Variants in HMMR observed in about 807,000 individuals in gnomAD.
HMMR encodes hyaluronan mediated motility receptor, also known as intracellular hyaluronic acid-binding protein.
A neutral mutation model predicts 101.0 loss-of-function variants in HMMR; 108 were observed. The ratio of observed to expected loss-of-function variants is 1.07; its 90% confidence interval spans 0.92 to 1.25. The LOEUF (loss-of-function observed/expected upper bound fraction) is 1.25, where lower values mean the gene tolerates loss of function less well. Ranked by LOEUF, HMMR falls within the 50% of genes most tolerant of loss-of-function variation. The probability of loss-of-function intolerance (pLI) is 0.00; values close to 1 mark genes in which losing one functional copy is unlikely to be tolerated. For synonymous variants in HMMR, 296 were observed against 276.4 expected, an observed-to-expected ratio of 1.07 and a Z score of -0.70; for missense variants, 813 against 788.7, an observed-to-expected ratio of 1.03 and a Z score of -0.37.
rs779844025 is a variant in HMMR, at chr5:163,482,730, G to A, written c.1474G>A (p.Ala492Thr). 2 of 1,613,854 alleles carry A rather than the reference G, an allele frequency of 1.2e-6. No homozygotes were observed. The highest frequency in any genetic ancestry group is 1.7e-6 in the Non-Finnish European group (2 of 1,179,772). ...QEKAAKAGKN[A>T]EDVQHQILAT... The stretch of plus-strand genomic sequence containing the variant: ...AAAAGCGGCCAAGGCTGGGAAAAAT[G>A]CAGAGGATGTTCAGCATCAGATTTT... The change falls in exon 13 of 18, where the codon GCA becomes ACA. Residue 492 changes from alanine (A) to threonine (T), a missense_variant. Physicochemically the swap from Ala to Thr is moderately conservative, Grantham distance 58. Coordinates refer to ENST00000393915, the MANE Select transcript of HMMR (RefSeq NM_001142556.2).
At chr5:163,464,547 G>A (rs530764952) in intron 2 of HMMR, among the ~76,000 whole-genome samples, 176 bp from the exon 3 acceptor site, 37 of 152,192 alleles carry the variant, frequency 2.4e-4, no homozygotes, top group Non-Finnish European at 4.4e-4. Context: ...CTGGGAGGCA[G>A]AGGTTGCAGT....
chr5:163,483,975 GT>G, intron 15 of HMMR, 93 bp from the exon 16 acceptor site: 1 of 676,478 alleles, frequency 1.5e-6, no homozygotes, highest in Non-Finnish European at 2.5e-6. Flanking sequence ...GTTTTCATTT[GT>G]GTTTTTAATT....
In HMMR at chr5:163,474,114, A is replaced by G; in HGVS notation, c.962A>G (p.Asn321Ser). 2 of 1,611,938 alleles carry G rather than the reference A, an allele frequency of 1.2e-6. No individual in the cohort carries two copies. Among genetic ancestry groups the G allele is most frequent in the South Asian group, 2.2e-5 (2 of 90,792 alleles). The change falls in exon 10 of 18, where the codon AAC (asparagine) becomes AGC (serine). Residue 321 changes from asparagine (N) to serine (S), a missense_variant. Transcript: ENST00000393915. Reference protein sequence around the residue: ...HNENLNAEMQNLKQKFILEQQ... With the variant: ...HNENLNAEMQSLKQKFILEQQ... ...GAAAATCTAAATGCAGAGATGCAAAACTTAAAACAGAAGTTTATTCTTGAA... is the reference window on the plus strand; with the variant it reads ...GAAAATCTAAATGCAGAGATGCAAAGCTTAAAACAGAAGTTTATTCTTGAA...
intron 12 of HMMR, 97 bp downstream of exon 12, chr5:163,478,897 G>A: frequency 3.0e-6 from 2 of 675,674 alleles, no homozygotes; most frequent in Middle Eastern, 2.6e-4. Flanking sequence ...CACAAAGGAT[G>A]ATTCATACTA....
intron 16 of HMMR, among the ~76,000 whole-genome samples, chr5:163,487,696 T>C (rs1759525563): frequency 6.6e-6 from 1 of 152,134 alleles, no homozygotes; most frequent in Non-Finnish European, 1.5e-5. Flanking sequence ...TGTTGGTATA[T>C]AATTGTTCAT....
At chr5:163,468,511 A>G (rs1482396198) in intron 4 of HMMR, among the ~76,000 whole-genome samples, 9 of 152,120 alleles carry the variant, frequency 5.9e-5, no homozygotes, top group Non-Finnish European at 1.3e-4. Flanking sequence ...CCTCATGGAT[A>G]TATTCTTTCA....
In HMMR at chr5:163,484,258, A is replaced by G. The variant is rs757618589; in HGVS notation, c.1962+13A>G. ...CCAACTCAAATCGGTTTGTAAAATG[A>G]CTTTTCATTTTATTAAAGATATTGG... On this transcript the variant is annotated intron_variant, in intron 16 of 17. Coordinates refer to ENST00000393915, the MANE Select transcript of HMMR (RefSeq NM_001142556.2). The G allele has an allele frequency of 2.7e-6, 4 of 1,485,872 alleles. No homozygotes were observed. Among genetic ancestry groups the G allele is most frequent in the Admixed American group, 1.9e-5 (1 of 52,266 alleles). The allele number at this position is 1,485,872 out of a possible 1,614,324, so 92.0% of individuals were successfully genotyped here. A position where few individuals can be genotyped will look rare whatever the true frequency, so the allele number is the denominator to read the frequency against.
intron 16 of HMMR, among the ~76,000 whole-genome samples, chr5:163,486,649 A>G (rs531146791): frequency 1.3e-5 from 2 of 152,332 alleles, no homozygotes; most frequent in East Asian, 1.9e-4. Flanking sequence ...CTGTAGTATA[A>G]TACAGTGTTG....
intron 12 of HMMR, among the ~76,000 whole-genome samples, chr5:163,479,622 C>T (rs1474201777): frequency 3.3e-5 from 5 of 152,158 alleles, no homozygotes; most frequent in Admixed American, 3.3e-4. Flanking sequence ...AAGATCACAC[C>T]ACTGCGCTCC....
chr5:163,489,435 G>A (rs1021035904), intron 16 of HMMR: 11 of 152,218 alleles, frequency 7.2e-5, no homozygotes, highest in Admixed American at 3.3e-4. Context: ...TGTCTTTTCC[G>A]CCCTCCTTTC....
At chr5:163,467,676 A>G (rs373753736) in intron 3 of HMMR, 25 bp from the exon 4 acceptor site, 5 of 1,385,826 alleles carry the variant, frequency 3.6e-6, no homozygotes, top group Admixed American at 1.8e-5. Flanking sequence ...AAATTTGCTT[A>G]TAAGTTTTTT....
At chr5:163,483,597 G>A (rs1373492248) in intron 15 of HMMR, among the ~76,000 whole-genome samples, 1 of 151,936 alleles carries the variant, frequency 6.6e-6, no homozygotes, top group Non-Finnish European at 1.5e-5. Flanking sequence ...TTTTTCAATG[G>A]ACCCTTTGTG....
At chr5:163,469,227 G>C (rs1758793072) in intron 4 of HMMR, among the ~76,000 whole-genome samples, 1 of 152,156 alleles carries the variant, frequency 6.6e-6, no homozygotes, top group African/African-American at 2.4e-5. Flanking sequence ...AGCCGGGTGT[G>C]GTGGCCCGTG....
intron 4 of HMMR, among the ~76,000 whole-genome samples, chr5:163,469,187 A>T (rs1004167889): frequency 2.0e-5 from 3 of 150,800 alleles, no homozygotes; most frequent in African/African-American, 7.3e-5. Flanking sequence ...ATATGGTGAA[A>T]CCCCGTCTCT....
In HMMR at chr5:163,463,923, T is replaced by C; in HGVS notation, c.114T>C (p.Phe38=). The C allele has an allele frequency of 1.4e-6, 2 of 1,446,466 alleles. No individual in the cohort carries two copies. Among genetic ancestry groups the C allele is most frequent in the Non-Finnish European group, 1.9e-6 (2 of 1,080,330 alleles). The allele number at this position is 1,446,466 out of a possible 1,614,324, so 89.6% of individuals were successfully genotyped here. A position where few individuals can be genotyped will look rare whatever the true frequency, so the allele number is the denominator to read the frequency against. ...TLEVLKGPVS[F]QKSQRFKQQK... is the part of the protein sequence containing the mutation. ...AAGTATTGAAAGGACCAGTATCCTT[T>C]CAGAAATCACAAAGATTTAAACAAC... Residue 38 remains phenylalanine, a synonymous_variant, in exon 2 of 18, where the codon TTT becomes TTC. Transcript: ENST00000393915.
At chr5:163,470,689 A>C (rs1267552413) in intron 5 of HMMR, among the ~76,000 whole-genome samples, 1 of 152,172 alleles carries the variant, frequency 6.6e-6, no homozygotes, top group Non-Finnish European at 1.5e-5. Context: ...CATTAAGGAA[A>C]AGAGGGATAA....
chr5:163,477,714 C>T (rs987187349), intron 11 of HMMR, among the ~76,000 whole-genome samples: 58 of 152,212 alleles, frequency 3.8e-4, no homozygotes, highest in African/African-American at 1.3e-3. Context: ...CTGAGCAAAA[C>T]AATCTTAGTT....
Position 163,469,724 on chromosome 5 carries a change from G to T in HMMR, c.357G>T (p.Arg119Ser). 1.2e-6 allele frequency: 2 copies of T among 1,613,476 alleles called. No homozygotes were observed. Among genetic ancestry groups the T allele is most frequent in the African/African-American group, 2.7e-5 (2 of 75,010 alleles). Residue 119 changes from arginine to serine, a missense_variant, in exon 5 of 18, where the codon AGG becomes AGT. Transcript: ENST00000393915. ...CTGAGTTGGAAAAGATGGAAGCAAG[G>T]CTAAATGCTGCACTAAGGGAAAAAA... is the stretch of plus-strand genomic sequence containing the variant. ...LETELEKMEA[R>S]LNAALREKTS... is the part of the protein sequence containing the mutation.
Position 163,473,220 on chromosome 5 carries a change from C to T in HMMR, c.692C>T (p.Thr231Ile). 6.3e-7 allele frequency: 1 copy of T among 1,576,660 alleles called. No homozygotes were observed. The highest frequency in any genetic ancestry group is 1.4e-5 in the African/African-American group (1 of 73,936). The change falls in exon 8 of 18, where the codon ACA becomes ATA. Residue 231 changes from threonine (T) to isoleucine (I), a missense_variant. By Grantham distance (89) the Thr-to-Ile change is moderately conservative. Coordinates refer to ENST00000393915, the MANE Select transcript of HMMR (RefSeq NM_001142556.2). Reference protein sequence around the residue: ...EKEKIDEKSETEKLLEYIEEI... With the variant: ...EKEKIDEKSEIEKLLEYIEEI... ...GAAAAGATTGATGAAAAATCTGAAA[C>T]AGAAAAACTCTTGGAATACATCGAA...
Sources: allele counts gnomAD v4.1 joint callset (sites outside exome capture counted in the v4.1 genomes callset), GRCh38; gene constraint gnomAD v4.1.1; transcripts MANE v1.5; gene names NCBI Gene and HGNC (gene_info 2026-07-23, HGNC 2026-07-21).